Variants in MCUB observed in about 807,000 individuals in gnomAD.
MCUB encodes the protein calcium uniporter regulatory subunit MCUb, mitochondrial.
In MCUB, 46 loss-of-function variants were observed where a neutral mutation model predicts 41.4. That is an observed-to-expected ratio of 1.11 (90% confidence interval 0.88 to 1.42). The LOEUF (loss-of-function observed/expected upper bound fraction) is 1.42, where lower values mean the gene tolerates loss of function less well. Ranked by LOEUF, MCUB falls within the 40% of genes most tolerant of loss-of-function variation. The pLI, the probability that MCUB is intolerant of heterozygous loss-of-function variation, is 0.00. For missense variants in MCUB, 403 were observed against 404.9 expected, an observed-to-expected ratio of 1.00 and a Z score of 0.04; for synonymous variants, 148 against 148.2, an observed-to-expected ratio of 1.00 and a Z score of 0.01.
chr4:109,616,654 A>G (rs1728134169), intron 1 of MCUB, among the ~76,000 whole-genome samples: 1 of 152,218 alleles, frequency 6.6e-6, no homozygotes, highest in African/African-American at 2.4e-5. Flanking sequence ...ATTTCAGCAA[A>G]GAAGAAAAGG....
chr4:109,644,254 C>G (rs1309013158), intron 1 of MCUB, among the ~76,000 whole-genome samples: 3 of 151,892 alleles, frequency 2.0e-5, no homozygotes, highest in Non-Finnish European at 4.4e-5. Flanking sequence ...CTATATAAAA[C>G]AAAACTAAAA....
intron 1 of MCUB, among the ~76,000 whole-genome samples, chr4:109,636,817 G>A (rs1728606535): frequency 1.3e-5 from 2 of 152,218 alleles, no homozygotes; most frequent in South Asian, 2.1e-4. Flanking sequence ...CCTGGGAGAC[G>A]GAGTGAGACT....
In MCUB at chr4:109,639,164, T is replaced by C. The variant is rs1308896526; in HGVS notation, c.100-19847T>C. Among the ~76,000 whole-genome samples, 3 of 152,208 alleles carry C rather than the reference T, an allele frequency of 2.0e-5. No homozygotes were observed. In the East Asian group the frequency reaches 5.8e-4, roughly 29 times the overall value. On this transcript the variant is annotated intron_variant, in intron 1 of 7. Transcript: ENST00000394650. ...AAGATTCATTAGAGGAATCACTATC[T>C]ATGGCAGTTATAGCCTTACAAAATG...
At chr4:109,635,666 C>T (rs1728573385) in intron 1 of MCUB, among the ~76,000 whole-genome samples, 1 of 152,160 alleles carries the variant, frequency 6.6e-6, no homozygotes, top group Non-Finnish European at 1.5e-5. Flanking sequence ...TGGAGCCTCC[C>T]TCCCTCTCTC....
intron 1 of MCUB, among the ~76,000 whole-genome samples, chr4:109,594,043 T>C (rs142408845): frequency 6.6e-6 from 1 of 152,354 alleles, no homozygotes; most frequent in East Asian, 1.9e-4. Flanking sequence ...AAAGGGTTAC[T>C]CAGTCTCACT....
chr4:109,580,933 T>C (rs1316956947), intron 1 of MCUB, among the ~76,000 whole-genome samples: 2 of 152,128 alleles, frequency 1.3e-5, no homozygotes, highest in Non-Finnish European at 2.9e-5. Flanking sequence ...AGAATCAATA[T>C]CGTGAAAATG....
intron 1 of MCUB, among the ~76,000 whole-genome samples, chr4:109,635,794 A>C (rs1241474020): frequency 6.6e-6 from 1 of 152,158 alleles, no homozygotes. Context: ...AAGGTAAAAC[A>C]AAAAAGCCCT....
At chr4:109,573,077 T>C (rs1726950441) in intron 1 of MCUB, among the ~76,000 whole-genome samples, 1 of 152,216 alleles carries the variant, frequency 6.6e-6, no homozygotes, top group Non-Finnish European at 1.5e-5. Context: ...AATTGTCTTT[T>C]TCTGGAGTCT....
Position 109,598,093 on chromosome 4 carries a change from C to T in MCUB, c.99+37657C>T, listed in dbSNP as rs369906775. Among the ~76,000 whole-genome samples the T allele has an allele frequency of 5.4e-3, 800 of 148,284 alleles. 27 individuals carry two copies. The South Asian group carries it at 0.067, about 12-fold the overall frequency. On this transcript the variant is annotated intron_variant, in intron 1 of 7. Coordinates refer to ENST00000394650, the MANE Select transcript of MCUB (RefSeq NM_017918.5). ...AGATGGGATGGCGGCCGGACGGAGA[C>T]GCTCCTCACTTCCCAGACTGGGCAG...
chr4:109,573,865 GA>G (rs1726969059), intron 1 of MCUB, among the ~76,000 whole-genome samples: 1 of 135,408 alleles, frequency 7.4e-6, no homozygotes, highest in Non-Finnish European at 1.6e-5. Context: ...TAAAAGGGTT[GA>G]ATTTTTTTTT....
intron 3 of MCUB, 59 bp downstream of exon 3, chr4:109,660,424 T>G: frequency 1.1e-6 from 1 of 910,232 alleles, no homozygotes; most frequent in Non-Finnish European, 1.7e-6. Context: ...CCTGAACTTT[T>G]GTTTGGTTCT....
chr4:109,686,091 A>G lies in MCUB; in HGVS notation c.933+724A>G, dbSNP rs567360295. On this transcript the variant is annotated intron_variant, in intron 7 of 7. Transcript: ENST00000394650. ...ACTTTCTAAATTACTCATCCCTAGAATTTAAAACAGAATCACTCAAATTTT... is the reference window on the plus strand; with the variant it reads ...ACTTTCTAAATTACTCATCCCTAGAGTTTAAAACAGAATCACTCAAATTTT... Among the ~76,000 whole-genome samples the G allele has an allele frequency of 6.6e-4, 101 of 152,328 alleles. 1 individual carries two copies. Among genetic ancestry groups the G allele is most frequent in the Non-Finnish European group, 1.2e-3 (83 of 68,032 alleles).
chr4:109,587,885 T>C (rs1486967141), intron 1 of MCUB, among the ~76,000 whole-genome samples: 1 of 152,204 alleles, frequency 6.6e-6, no homozygotes, highest in African/African-American at 2.4e-5. Flanking sequence ...GCTGTCTTAA[T>C]GCACTGAAAA....
At chr4:109,592,586 C>G (rs892266475) in intron 1 of MCUB, among the ~76,000 whole-genome samples, 6 of 152,072 alleles carry the variant, frequency 3.9e-5, no homozygotes, top group Non-Finnish European at 7.4e-5. Context: ...ACAGGAGGAA[C>G]CTGTCAGCCA....
At chr4:109,596,901 C>G (rs1203408301) in intron 1 of MCUB, among the ~76,000 whole-genome samples, 1 of 151,744 alleles carries the variant, frequency 6.6e-6, no homozygotes, top group East Asian at 1.9e-4. Flanking sequence ...GTTTGTGTCC[C>G]TGGGTACTTG....
At chr4:109,592,977 A>G (rs1363020249) in intron 1 of MCUB, among the ~76,000 whole-genome samples, 1 of 152,186 alleles carries the variant, frequency 6.6e-6, no homozygotes, top group Non-Finnish European at 1.5e-5. Flanking sequence ...CTTTTTACGC[A>G]TTTACTTGGG....
At chr4:109,640,784 T>C (rs76865020) in intron 1 of MCUB, among the ~76,000 whole-genome samples, 1,659 of 152,324 alleles carry the variant, frequency 0.011, 37 homozygotes, top group African/African-American at 0.037. Context: ...TATTTCACTT[T>C]CTAATCATTC....
chr4:109,608,170 A>G (rs1179900696), intron 1 of MCUB, among the ~76,000 whole-genome samples: 1 of 152,150 alleles, frequency 6.6e-6, no homozygotes, highest in Admixed American at 6.6e-5. Flanking sequence ...TCTGCTAGTA[A>G]GAGATTCTGA....
At chr4:109,649,327 TTATCTC>T (rs1480588028) in intron 1 of MCUB, among the ~76,000 whole-genome samples, 9 of 152,226 alleles carry the variant, frequency 5.9e-5, no homozygotes, top group African/African-American at 2.2e-4. Flanking sequence ...TTATACTCCT[TTATCTC>T]TATTGGTTTG....
Sources: gnomAD v4.1 joint callset for allele counts (sites outside exome capture counted in the v4.1 genomes callset) on GRCh38, gnomAD v4.1.1 for gene constraint, MANE v1.5 for transcripts, NCBI Gene and HGNC (gene_info 2026-07-23, HGNC 2026-07-21) for gene names.